Variants in PARN observed in about 807,000 individuals in gnomAD.
The protein encoded by PARN is poly(A)-specific ribonuclease, also known as poly(A)-specific ribonuclease PARN.
Under a neutral mutation model 102.8 loss-of-function variants are expected in PARN, and 71 were observed. The ratio of observed to expected loss-of-function variants is 0.69; its 90% CI spans 0.57 to 0.84. The LOEUF (loss-of-function observed/expected upper bound fraction) is 0.84. PARN is among the 40% of genes least tolerant of loss of function. The pLI is 0.00. For synonymous variants in PARN, 261 were observed against 252.9 expected, an observed-to-expected ratio of 1.03 and a Z score of -0.30; for missense variants, 782 against 760.9, an observed-to-expected ratio of 1.03 and a Z score of -0.33.
chr16:14,553,015 C>G (rs964226596), intron 20 of PARN, among the ~76,000 whole-genome samples: 1 of 151,706 alleles, frequency 6.6e-6, no homozygotes, highest in African/African-American at 2.4e-5. Context: ...AACGTTCGTT[C>G]TGACTTATTT....
intron 21 of PARN, among the ~76,000 whole-genome samples, chr16:14,498,629 C>T (rs1482574497): frequency 6.6e-6 from 1 of 152,010 alleles, no homozygotes. Context: ...AACACCAGGC[C>T]AGCTCCTCCG....
At chr16:14,574,027 G>C (rs556270111) in intron 18 of PARN, among the ~76,000 whole-genome samples, 1 of 152,338 alleles carries the variant, frequency 6.6e-6, no homozygotes, top group South Asian at 2.1e-4. Context: ...GCAGAGGCCG[G>C]AACAGTTTGG....
chr16:14,439,979 C>T (rs2151548455), intron 23 of PARN, among the ~76,000 whole-genome samples: 1 of 152,258 alleles, frequency 6.6e-6, no homozygotes, highest in Non-Finnish European at 1.5e-5. Flanking sequence ...CGTGCCACTG[C>T]ACTCCAGTCT....
chr16:14,524,253 T>C (rs1285013889), intron 21 of PARN, among the ~76,000 whole-genome samples: 1 of 152,214 alleles, frequency 6.6e-6, no homozygotes, highest in Non-Finnish European at 1.5e-5. Context: ...TTGTTTGTTT[T>C]TTCTTATTAG....
chr16:14,584,289 A>G (rs1969706215), intron 16 of PARN, 58 bp downstream of exon 16: 3 of 1,238,176 alleles, frequency 2.4e-6, no homozygotes, highest in Admixed American at 1.7e-5. Flanking sequence ...TTTCTTCTAC[A>G]ATATACATCA....
chr16:14,471,278 TAATA>T (rs1962721662), intron 22 of PARN, among the ~76,000 whole-genome samples: 1 of 152,204 alleles, frequency 6.6e-6, no homozygotes, highest in Admixed American at 6.5e-5. Flanking sequence ...AAAGGCATTT[TAATA>T]AATAAAGCAT....
chr16:14,510,727 C>T (rs1306355209), intron 21 of PARN, among the ~76,000 whole-genome samples: 3 of 152,212 alleles, frequency 2.0e-5, no homozygotes, highest in African/African-American at 7.2e-5. Context: ...TCCTCGGCTG[C>T]CAACAGCATG....
chr16:14,568,180 T>A (rs1000758494), intron 18 of PARN, among the ~76,000 whole-genome samples: 3 of 151,414 alleles, frequency 2.0e-5, no homozygotes, highest in African/African-American at 4.8e-5. Context: ...CGCGACCTCA[T>A]CTCTATGAAA....
chr16:14,519,816 TAA>T (rs140355157), intron 21 of PARN, among the ~76,000 whole-genome samples: 6,407 of 152,182 alleles, frequency 0.042, 145 homozygotes, highest in African/African-American at 0.05. Context: ...AGCAGACAAG[TAA>T]AAGTTTCTCT....
Position 14,630,094 on chromosome 16 carries a change from G to C in PARN, c.19+13C>G, listed in dbSNP as rs1428215889. 1 of 1,557,746 alleles carries C rather than the reference G, an allele frequency of 6.4e-7. No homozygotes were observed. Among genetic ancestry groups the C allele is most frequent in the East Asian group, 2.4e-5 (1 of 41,790 alleles). ...GGTGTGGGGAGGCGGGGAGGTGTAC[G>C]GCGGACACGCACTGCTCCTGATTAT... On this transcript the variant is annotated intron_variant, in intron 1 of 23. Transcript: ENST00000437198.
At chr16:14,577,574 C>T (rs1969221938) in intron 18 of PARN, among the ~76,000 whole-genome samples, 3 of 152,016 alleles carry the variant, frequency 2.0e-5, no homozygotes, top group African/African-American at 2.4e-5. Context: ...GCTCAAGCAA[C>T]CCTCCTTCCT....
intron 21 of PARN, among the ~76,000 whole-genome samples, chr16:14,535,400 T>C (rs1393487181): frequency 6.6e-6 from 1 of 152,228 alleles, no homozygotes; most frequent in Non-Finnish European, 1.5e-5. Context: ...ATTACATCTT[T>C]TCTAAGAAAA....
chr16:14,600,242 A>C (rs1970794509), intron 11 of PARN, among the ~76,000 whole-genome samples: 1 of 152,202 alleles, frequency 6.6e-6, no homozygotes, highest in Non-Finnish European at 1.5e-5. Flanking sequence ...ACTTCTTTAA[A>C]ATTTCCAAGT....
At chr16:14,600,900 C>G (rs911289441) in intron 11 of PARN, among the ~76,000 whole-genome samples, 1 of 152,120 alleles carries the variant, frequency 6.6e-6, no homozygotes, top group African/African-American at 2.4e-5. Flanking sequence ...CACCATTGCA[C>G]TCCAGCCTGG....
At chr16:14,542,106 G>A (rs932926891) in intron 21 of PARN, among the ~76,000 whole-genome samples, 1 of 151,838 alleles carries the variant, frequency 6.6e-6, no homozygotes, top group Non-Finnish European at 1.5e-5. Context: ...CTGAGCTCAG[G>A]GGATCCTCTC....
intron 11 of PARN, among the ~76,000 whole-genome samples, chr16:14,601,097 C>T (rs1970839403): frequency 6.6e-6 from 1 of 152,132 alleles, no homozygotes. Flanking sequence ...CCATATTACC[C>T]AGCAATTCCA....
At chr16:14,473,940 C>G (rs1410893242) in intron 22 of PARN, among the ~76,000 whole-genome samples, 1 of 152,160 alleles carries the variant, frequency 6.6e-6, no homozygotes, top group Non-Finnish European at 1.5e-5. Flanking sequence ...CTAAAAACTT[C>G]TAGTATATAG....
intron 23 of PARN, among the ~76,000 whole-genome samples, chr16:14,446,266 GCTT>G (rs1961193978): frequency 6.6e-6 from 1 of 152,198 alleles, no homozygotes; most frequent in Non-Finnish European, 1.5e-5. Flanking sequence ...TTTCGGCTGT[GCTT>G]CTTAAGCGCA....
At chr16:14,487,071 C>G (rs1317210937) in intron 21 of PARN, among the ~76,000 whole-genome samples, 1 of 152,240 alleles carries the variant, frequency 6.6e-6, no homozygotes, top group Non-Finnish European at 1.5e-5. Context: ...CCGGCCCACC[C>G]GGGGCATCCG....
Sources: gnomAD v4.1 joint callset for allele counts (sites outside exome capture counted in the v4.1 genomes callset) on GRCh38, gnomAD v4.1.1 for gene constraint, MANE v1.5 for transcripts, NCBI Gene and HGNC (gene_info 2026-07-23, HGNC 2026-07-21) for gene names.